Variants in TRMO observed in about 807,000 individuals in gnomAD.
TRMO encodes the protein tRNA (adenine(37)-N6)-methyltransferase.
TRMO carries 30 observed loss-of-function variants against 37.2 expected under a neutral mutation model. That is an observed-to-expected ratio of 0.81 (90% confidence interval 0.60 to 1.09). The LOEUF is 1.09. Among genes scored for constraint, TRMO ranks in the 50% least tolerant of loss-of-function variants. The probability of loss-of-function intolerance (pLI) is 0.00; values close to 1 mark genes in which losing one functional copy is unlikely to be tolerated. For missense variants in TRMO, 552 were observed against 549.5 expected, an observed-to-expected ratio of 1.00 and a Z score of -0.05; for synonymous variants, 239 against 199.4, an observed-to-expected ratio of 1.20 and a Z score of -1.67.
chr9:97,906,601 G>C (rs964550463), intron 4 of TRMO, among the ~76,000 whole-genome samples: 1 of 152,144 alleles, frequency 6.6e-6, no homozygotes. Context: ...GTTACACTGC[G>C]TAATTTCTCA....
Position 97,910,469 on chromosome 9 carries a change from T to A in TRMO, c.557A>T (p.Asn186Ile), listed in dbSNP as rs781122406. 1.2e-6 allele frequency: 2 copies of A among 1,614,178 alleles called. No homozygotes were observed. Among genetic ancestry groups the A allele is most frequent in the South Asian group, 2.2e-5 (2 of 91,086 alleles). Residue 186 changes from asparagine (N) to isoleucine (I), a missense_variant, in exon 4 of 5, where the codon AAC (asparagine) becomes ATC (isoleucine). Coordinates refer to ENST00000375119, the MANE Select transcript of TRMO (RefSeq NM_016481.5). Reference protein sequence around the residue: ...FNLQNNQHTPNTVSQSDSKTD... With the variant: ...FNLQNNQHTPITVSQSDSKTD... ...CTTGCTGTCAGACTGGGACACAGTG[T>A]TTGGTGTATGTTGGTTATTCTGTAA...
chr9:97,904,486 G>T, downstream of TRMO: 1 of 1,289,280 alleles, frequency 7.8e-7, no homozygotes, highest in Non-Finnish European at 9.8e-7. Context: ...TATCGAGACA[G>T]CATCACCTTT....
chr9:97,913,380 A>C, intron 3 of TRMO, 21 bp downstream of exon 3: 1 of 1,613,754 alleles, frequency 6.2e-7, no homozygotes, highest in Non-Finnish European at 8.5e-7. Context: ...AAAAGGTAAA[A>C]GTAGAAATGA....
At chr9:97,911,573 T>C (rs1383321771) in intron 3 of TRMO, 1 of 152,272 alleles carries the variant, frequency 6.6e-6, no homozygotes, top group East Asian at 1.9e-4. Context: ...CCCATCCTTC[T>C]GACCCACAGA....
intron 1 of TRMO, among the ~76,000 whole-genome samples, chr9:97,920,940 C>A (rs1826598293): frequency 6.6e-6 from 1 of 152,204 alleles, no homozygotes; most frequent in South Asian, 2.1e-4. Flanking sequence ...CAATCAGAAT[C>A]CAAAGGTTCC....
rs1825773335 is a variant in TRMO, at chr9:97,904,557, TTTG to T, written c.*173_*175del. Reference sequence around the variant, plus strand: ...GTGATTTCTCTGTATTTTATATCTCTTTGTTAAGTTTATTAATGTATACGTTTT... The same window carrying T: ...GTGATTTCTCTGTATTTTATATCTCTTTAAGTTTATTAATGTATACGTTTT... On this transcript the variant is annotated 3_prime_UTR_variant, in exon 5 of 5. Coordinates refer to ENST00000375119, the MANE Select transcript of TRMO (RefSeq NM_016481.5). The T allele has an allele frequency of 1.7e-5, 24 of 1,429,560 alleles. No homozygotes were observed. In the South Asian group the frequency reaches 2.8e-4, roughly 16 times the overall value. The allele number at this position is 1,429,560 out of a possible 1,614,324, so 88.6% of individuals were successfully genotyped here.
At chr9:97,919,104 TGTTTTTA>T (rs1826499685) in intron 1 of TRMO, among the ~76,000 whole-genome samples, 1 of 152,206 alleles carries the variant, frequency 6.6e-6, no homozygotes, top group African/African-American at 2.4e-5. Context: ...TTACAGGCAT[TGTTTTTA>T]GTTTTTTGTT....
chr9:97,897,020 TTTTG>T, the TRMO span, among the ~76,000 whole-genome samples: 12 of 152,230 alleles, frequency 7.9e-5, no homozygotes, highest in Non-Finnish European at 1.6e-4. Context: ...GTTAGCATAT[TTTTG>T]TTTATGCTTC....
downstream of TRMO, among the ~76,000 whole-genome samples, chr9:97,902,190 G>A (rs768434373): frequency 7.9e-5 from 12 of 152,228 alleles, no homozygotes; most frequent in East Asian, 1.9e-4. Flanking sequence ...CAGGTCAGGG[G>A]TATATACCTC....
At chr9:97,905,180 T>C (rs1825807987) in intron 4 of TRMO, among the ~76,000 whole-genome samples, 188 bp from the exon 5 acceptor site, 2 of 152,216 alleles carry the variant, frequency 1.3e-5, no homozygotes, top group Admixed American at 1.3e-4. Flanking sequence ...GTTTAACTTG[T>C]ACACCCCCAA....
intron 3 of TRMO, chr9:97,912,897 G>A (rs751656852): frequency 1.5e-6 from 2 of 1,302,004 alleles, no homozygotes; most frequent in African/African-American, 1.5e-5. Context: ...TCCTTGTAGT[G>A]TGATTCATCC....
chr9:97,916,704 T>TA, intron 1 of TRMO, among the ~76,000 whole-genome samples: 1 of 136,796 alleles, frequency 7.3e-6, no homozygotes. Context: ...CGTATTTCTT[T>TA]CTTTTTTTTT....
intron 4 of TRMO, among the ~76,000 whole-genome samples, chr9:97,906,256 C>T (rs2131514529): frequency 6.6e-6 from 1 of 152,206 alleles, no homozygotes; most frequent in African/African-American, 2.4e-5. Flanking sequence ...GAGGAGAGCT[C>T]ATCACACTCC....
At chr9:97,901,946 A>C (rs1379914422), downstream of TRMO, among the ~76,000 whole-genome samples, 1 of 152,170 alleles carries the variant, frequency 6.6e-6, no homozygotes, top group Non-Finnish European at 1.5e-5. Context: ...TCATATGGAG[A>C]CTCAAGAAAG....
chr9:97,909,920 A>G (rs764276680), intron 4 of TRMO, 40 bp downstream of exon 4: 2 of 1,443,286 alleles, frequency 1.4e-6, no homozygotes, highest in Non-Finnish European at 1.9e-6. Context: ...TCTCAAAGTA[A>G]AAGTTCATCT....
chr9:97,909,919 A>G (rs1292950047), intron 4 of TRMO, 41 bp downstream of exon 4: 1 of 1,439,156 alleles, frequency 6.9e-7, no homozygotes, highest in Non-Finnish European at 9.4e-7. Flanking sequence ...ATCTCAAAGT[A>G]AAAGTTCATC....
chr9:97,908,367 G>T (rs1025576879), intron 4 of TRMO, among the ~76,000 whole-genome samples: 5 of 145,990 alleles, frequency 3.4e-5, no homozygotes, highest in Admixed American at 7.1e-5. Context: ...AGCCGAGATC[G>T]AGCCATTGCA....
At chr9:97,915,066 G>T (rs1826293398) in intron 2 of TRMO, among the ~76,000 whole-genome samples, 1 of 152,142 alleles carries the variant, frequency 6.6e-6, no homozygotes, top group Admixed American at 6.5e-5. Context: ...AAATTGACAT[G>T]AAAAATAAAC....
downstream of TRMO, among the ~76,000 whole-genome samples, chr9:97,903,368 A>G (rs1825727643): frequency 6.6e-6 from 1 of 152,264 alleles, no homozygotes; most frequent in African/African-American, 2.4e-5. Context: ...TTAGGAGTAC[A>G]GTGTCATCAG....
Sources: allele counts gnomAD v4.1 joint callset (sites outside exome capture counted in the v4.1 genomes callset), GRCh38; gene constraint gnomAD v4.1.1; transcripts MANE v1.5; gene names NCBI Gene and HGNC (gene_info 2026-07-23, HGNC 2026-07-21).